Variants in SH2D4A observed in about 807,000 individuals in gnomAD.
The protein encoded by SH2D4A is SH2 domain containing 4A.
Under a neutral mutation model 64.7 loss-of-function variants are expected in SH2D4A, and 70 were observed. The observed-to-expected ratio is 1.08, with a 90% CI of 0.89 to 1.32. The LOEUF (loss-of-function observed/expected upper bound fraction) is 1.32, where lower values mean the gene tolerates loss of function less well. SH2D4A is among the 40% of genes most tolerant of loss of function. SH2D4A has a pLI of 0.00. For missense variants in SH2D4A, 706 were observed against 540.1 expected (o/e 1.31, Z -3.04); for synonymous variants, 268 against 200.7 (o/e 1.34, Z -2.83).
intron 7 of SH2D4A, among the ~76,000 whole-genome samples, chr8:19,368,580 T>C (rs1389814388): frequency 1.3e-5 from 2 of 148,794 alleles, no homozygotes; most frequent in East Asian, 3.9e-4. Flanking sequence ...TATTCCTAGT[T>C]ATTTTATTTT....
chr8:19,391,243 C>G (rs1048430287), intron 8 of SH2D4A, among the ~76,000 whole-genome samples: 3 of 152,172 alleles, frequency 2.0e-5, no homozygotes, highest in African/African-American at 7.2e-5. Flanking sequence ...ATCAATGGGA[C>G]CAGGTATGCT....
In SH2D4A at chr8:19,395,561, T is replaced by G. The variant is rs1030432133; in HGVS notation, c.*919T>G. ...TAGGGTGGGCCCCAAATCCAATGACTGGCATCCTTAGGAGAAGAGAGAGTT... is the reference window on the plus strand; with the variant it reads ...TAGGGTGGGCCCCAAATCCAATGACGGGCATCCTTAGGAGAAGAGAGAGTT... On this transcript the variant is annotated 3_prime_UTR_variant, in exon 10 of 10. Transcript: ENST00000265807. 2 of 152,172 alleles carry G rather than the reference T, an allele frequency of 1.3e-5. No individual in the cohort carries two copies. Among genetic ancestry groups the G allele is most frequent in the African/African-American group, 4.8e-5 (2 of 41,414 alleles). The allele number at this position is 152,172 out of a possible 1,614,324, so 9.4% of individuals were successfully genotyped here. A position where few individuals can be genotyped will look rare whatever the true frequency, so the allele number is the denominator to read the frequency against.
chr8:19,390,330 G>A (rs971793776), intron 8 of SH2D4A, among the ~76,000 whole-genome samples: 4 of 152,100 alleles, frequency 2.6e-5, no homozygotes, highest in Non-Finnish European at 4.4e-5. Context: ...GCAGTGAGCC[G>A]AGATCGCACC....
intron 8 of SH2D4A, among the ~76,000 whole-genome samples, chr8:19,376,835 T>C (rs2053204054): frequency 6.6e-6 from 1 of 152,148 alleles, no homozygotes; most frequent in Admixed American, 6.5e-5. Flanking sequence ...TTAATGAAGC[T>C]AGATTTAAGT....
rs978773361 is a variant in SH2D4A at position 19,395,826 on chromosome 8, T to A, written c.*1184T>A. ...TTTAAGCTGCTTAGTTCATGCTGAGTTCATGCTGACTTGTTACTATAGCCC... is the reference window on the plus strand; with the variant it reads ...TTTAAGCTGCTTAGTTCATGCTGAGATCATGCTGACTTGTTACTATAGCCC... On this transcript the variant is annotated 3_prime_UTR_variant, in exon 10 of 10. Coordinates refer to ENST00000265807, the MANE Select transcript of SH2D4A (RefSeq NM_022071.4). The A allele has an allele frequency of 2.0e-5, 3 of 152,156 alleles. No individual in the cohort carries two copies. In the East Asian group the frequency reaches 5.8e-4, roughly 29 times the overall value. The allele number at this position is 152,156 out of a possible 1,614,324, so 9.4% of individuals were successfully genotyped here.
chr8:19,371,561 G>A (rs1237506541), intron 7 of SH2D4A, among the ~76,000 whole-genome samples: 1 of 152,096 alleles, frequency 6.6e-6, no homozygotes, highest in East Asian at 1.9e-4. Context: ...TATGTAGGTT[G>A]AATCTGACTG....
At chr8:19,353,715 G>T (rs1349720226) in intron 4 of SH2D4A, among the ~76,000 whole-genome samples, 4 of 132,772 alleles carry the variant, frequency 3.0e-5, no homozygotes, top group East Asian at 2.2e-4. Flanking sequence ...AATAACTTTT[G>T]GATCCCACAT....
chr8:19,334,618 A>T, intron 3 of SH2D4A, 68 bp from the exon 4 acceptor site: 1 of 1,498,370 alleles, frequency 6.7e-7, no homozygotes, highest in Non-Finnish European at 9.0e-7. Context: ...GAATGTCGAC[A>T]TATGCTTTGG....
chr8:19,314,537 C>G (rs1283492231), intron 1 of SH2D4A, among the ~76,000 whole-genome samples: 1 of 152,146 alleles, frequency 6.6e-6, no homozygotes, highest in Non-Finnish European at 1.5e-5. Context: ...GGGGGTCACG[C>G]GGGCACCGGA....
At chr8:19,376,710 G>A (rs1163558602) in intron 8 of SH2D4A, among the ~76,000 whole-genome samples, 1 of 151,984 alleles carries the variant, frequency 6.6e-6, no homozygotes, top group Non-Finnish European at 1.5e-5. Flanking sequence ...AAATATCTGG[G>A]ACCATGGCCC....
intron 8 of SH2D4A, among the ~76,000 whole-genome samples, chr8:19,376,605 A>G (rs2053200650): frequency 6.6e-6 from 1 of 152,200 alleles, no homozygotes; most frequent in African/African-American, 2.4e-5. Flanking sequence ...CCTGGGCAAC[A>G]GAGTGCTACT....
chr8:19,386,802 C>T (rs1286526367), intron 8 of SH2D4A, among the ~76,000 whole-genome samples: 1 of 152,164 alleles, frequency 6.6e-6, no homozygotes, highest in Admixed American at 6.5e-5. Flanking sequence ...AAAAAAAAGA[C>T]AGGGTGTTGC....
intron 8 of SH2D4A, 60 bp downstream of exon 8, chr8:19,373,720 C>G (rs2053150307): frequency 3.3e-6 from 5 of 1,527,334 alleles, no homozygotes; most frequent in South Asian, 1.3e-5. Context: ...CTGTGCTAAT[C>G]TACCAGGAAG....
chr8:19,336,710 A>G (rs1040929259), intron 4 of SH2D4A, among the ~76,000 whole-genome samples: 7 of 150,906 alleles, frequency 4.6e-5, no homozygotes, highest in Non-Finnish European at 1.0e-4. Flanking sequence ...ACAAAAAATT[A>G]AAAAAAAACA....
chr8:19,354,607 T>C (rs961154771), intron 4 of SH2D4A, among the ~76,000 whole-genome samples: 7 of 152,070 alleles, frequency 4.6e-5, no homozygotes, highest in African/African-American at 9.7e-5. Context: ...ACAATGATGA[T>C]AGGAAAAAAT....
chr8:19,331,230 C>T (rs2052360943), intron 2 of SH2D4A, among the ~76,000 whole-genome samples: 2 of 152,192 alleles, frequency 1.3e-5, no homozygotes, highest in Non-Finnish European at 2.9e-5. Context: ...GTCAAGAATA[C>T]GTTGGACAGA....
chr8:19,317,058 C>T (rs11998302), intron 1 of SH2D4A, among the ~76,000 whole-genome samples: 106 of 152,254 alleles, frequency 7.0e-4, no homozygotes, highest in African/African-American at 2.3e-3. Flanking sequence ...GAATAGGATT[C>T]GCTGCATTCA....
Position 19,383,523 on chromosome 8 carries a change from A to G in SH2D4A, c.1049-9795A>G, listed in dbSNP as rs940834423. ...ATTTGTTTTCCTTTGAATGGGCCAT[A>G]TTTTCCTTTTTATTTTCATGCGTTG... is the stretch of plus-strand genomic sequence containing the variant. On this transcript the variant is annotated intron_variant, in intron 8 of 9. Coordinates refer to ENST00000265807, the MANE Select transcript of SH2D4A (RefSeq NM_022071.4). Among the ~76,000 whole-genome samples, 3 of 150,012 alleles carry G rather than the reference A, an allele frequency of 2.0e-5. No individual in the cohort carries two copies. In the South Asian group the frequency reaches 6.3e-4, roughly 31 times the overall value.
chr8:19,315,046 TC>T (rs1170482281), intron 1 of SH2D4A, among the ~76,000 whole-genome samples: 3 of 149,876 alleles, frequency 2.0e-5, no homozygotes, highest in Non-Finnish European at 4.4e-5. Context: ...TTTTATTAGG[TC>T]GGTGCAAAAG....
Sources: allele counts gnomAD v4.1 joint callset (sites outside exome capture counted in the v4.1 genomes callset), GRCh38; gene constraint gnomAD v4.1.1; transcripts MANE v1.5; gene names NCBI Gene and HGNC (gene_info 2026-07-23, HGNC 2026-07-21).